PCNX1: variants seen among roughly 807,000 people sequenced by gnomAD.
PCNX1 encodes pecanex-like protein 1.
PCNX1 carries 78 observed loss-of-function variants against 242.2 expected under a neutral mutation model. The ratio of observed to expected loss-of-function variants is 0.32; its 90% CI spans 0.27 to 0.39. The LOEUF (loss-of-function observed/expected upper bound fraction) is 0.39. PCNX1 is among the 10% of genes least tolerant of loss of function. The pLI is 1.00. For missense variants in PCNX1, 2,581 were observed against 2,856.5 expected (o/e 0.90, Z 2.20); for synonymous variants, 1,024 against 1,032.9 (o/e 0.99, Z 0.17).
intron 7 of PCNX1, among the ~76,000 whole-genome samples, chr14:70,993,124 A>AT (rs5809506): frequency 0.38 from 54,946 of 145,902 alleles, 10,480 homozygotes; most frequent in East Asian, 0.61. Flanking sequence ...ATCTAAATTA[A>AT]TTTTTTTTTT....
intron 2 of PCNX1, among the ~76,000 whole-genome samples, chr14:70,958,295 C>G (rs1298104216): frequency 6.6e-6 from 1 of 152,098 alleles, no homozygotes; most frequent in African/African-American, 2.4e-5. Flanking sequence ...GAGTTAGGAA[C>G]CTGTTACGCA....
intron 1 of PCNX1, among the ~76,000 whole-genome samples, chr14:70,944,674 T>C (rs987451008): frequency 6.6e-6 from 1 of 152,094 alleles, no homozygotes; most frequent in Non-Finnish European, 1.5e-5. Flanking sequence ...GGGGCCAGGG[T>C]GAAATGATGG....
intron 25 of PCNX1, among the ~76,000 whole-genome samples, chr14:71,056,229 A>G (rs569477048): frequency 6.6e-6 from 1 of 152,344 alleles, no homozygotes; most frequent in African/African-American, 2.4e-5. Context: ...CATTTGACTT[A>G]CAAATTCCTT....
intron 1 of PCNX1, among the ~76,000 whole-genome samples, chr14:70,920,500 G>T (rs141930074): frequency 6.6e-6 from 1 of 152,220 alleles, no homozygotes; most frequent in Non-Finnish European, 1.5e-5. Flanking sequence ...CATTTCAGAT[G>T]GACAAAAGAG....
chr14:71,006,373 G>A (rs562117548), intron 8 of PCNX1, among the ~76,000 whole-genome samples: 39 of 151,816 alleles, frequency 2.6e-4, no homozygotes, highest in Non-Finnish European at 5.0e-4. Context: ...GTTTCTAATC[G>A]TGTTTATTTT....
intron 2 of PCNX1, among the ~76,000 whole-genome samples, chr14:70,957,289 T>C (rs575917026): frequency 6.6e-6 from 1 of 152,262 alleles, no homozygotes; most frequent in African/African-American, 2.4e-5. Flanking sequence ...ACCCAGCCTG[T>C]TTTTATGTAT....
At chr14:70,980,949 A>G (rs1449605818) in intron 6 of PCNX1, among the ~76,000 whole-genome samples, 1 of 152,182 alleles carries the variant, frequency 6.6e-6, no homozygotes, top group Non-Finnish European at 1.5e-5. Context: ...ATTTTAAGGT[A>G]GGTGGTGGTG....
At chr14:71,007,175 C>T (rs1402544149) in intron 8 of PCNX1, among the ~76,000 whole-genome samples, 1 of 151,260 alleles carries the variant, frequency 6.6e-6, no homozygotes, top group Non-Finnish European at 1.5e-5. Context: ...ATTTTTCCAA[C>T]TGTCTGTTTA....
intron 2 of PCNX1, among the ~76,000 whole-genome samples, chr14:70,953,989 T>C (rs1431280844): frequency 1.3e-5 from 2 of 152,186 alleles, no homozygotes; most frequent in South Asian, 2.1e-4. Flanking sequence ...TCTGAATTAT[T>C]TTCTACACGG....
Position 71,053,463 on chromosome 14 carries a change from G to A in PCNX1, c.4577+1451G>A, listed in dbSNP as rs560389667. 2.8e-4 allele frequency: 98 copies of A among 346,448 alleles called. No individual in the cohort carries two copies. In the Middle Eastern group the frequency reaches 3.1e-3, roughly 11 times the overall value. The allele number at this position is 346,448 out of a possible 1,614,324, so 21.5% of individuals were successfully genotyped here. A position where few individuals can be genotyped will look rare whatever the true frequency, so the allele number is the denominator to read the frequency against. On this transcript the variant is annotated intron_variant, in intron 24 of 35. Coordinates refer to ENST00000304743, the MANE Select transcript of PCNX1 (RefSeq NM_014982.3). ...CTCCCGAGTAGCTGGGATTACAGGC[G>A]CCCACCAGCACACCTGGCTATTTTT... is the stretch of plus-strand genomic sequence containing the variant.
At chr14:70,991,983 A>G (rs2059179198) in intron 7 of PCNX1, among the ~76,000 whole-genome samples, 1 of 152,174 alleles carries the variant, frequency 6.6e-6, no homozygotes. Context: ...TTGGGAGTGA[A>G]TTATCAATTT....
chr14:70,909,633 A>T (rs1003282900), intron 1 of PCNX1, among the ~76,000 whole-genome samples: 2 of 152,202 alleles, frequency 1.3e-5, no homozygotes, highest in Non-Finnish European at 2.9e-5. Flanking sequence ...GTCATGGTTA[A>T]GTCTCTTTGT....
rs1030378466 is a variant in PCNX1, at chr14:71,113,420, G to T, written c.*3485G>T. On this transcript the variant is annotated 3_prime_UTR_variant, in exon 36 of 36. Coordinates refer to ENST00000304743, the MANE Select transcript of PCNX1 (RefSeq NM_014982.3). Reference sequence around the variant, plus strand: ...TTTTGTGTAGAAAACCCATTAAGAAGATGTGTTTTTCTTTCTGAATTAGTT... The same window carrying T: ...TTTTGTGTAGAAAACCCATTAAGAATATGTGTTTTTCTTTCTGAATTAGTT... 1.3e-5 allele frequency: 2 copies of T among 152,634 alleles called. No homozygotes were observed. Among genetic ancestry groups the T allele is most frequent in the Non-Finnish European group, 2.9e-5 (2 of 68,030 alleles). 9.5% of individuals were successfully genotyped at this position (152,634 alleles called of 1,614,324 possible). A position where few individuals can be genotyped will look rare whatever the true frequency, so the allele number is the denominator to read the frequency against.
intron 7 of PCNX1, 62 bp downstream of exon 7, chr14:70,988,761 G>A (rs890799449): frequency 3.4e-5 from 52 of 1,528,758 alleles, no homozygotes; most frequent in Admixed American, 7.0e-5. Flanking sequence ...AATCTGTTCC[G>A]CCAGTCCCAA....
At chr14:71,022,394 C>A (rs1386523171) in intron 12 of PCNX1, among the ~76,000 whole-genome samples, 3 of 152,072 alleles carry the variant, frequency 2.0e-5, no homozygotes, top group Admixed American at 2.0e-4. Flanking sequence ...ATGTCATAAA[C>A]AGGGATAAGA....
intron 8 of PCNX1, 106 bp downstream of exon 8, chr14:70,996,031 A>G (rs2059340980): frequency 2.4e-6 from 2 of 830,560 alleles, no homozygotes; most frequent in Non-Finnish European, 4.0e-6. Context: ...GGAACTATGC[A>G]TAGGAGCACT....
rs2059746006 is a variant in PCNX1, at chr14:71,008,953, GAATT to G, written c.2630-678_2630-675del. On this transcript the variant is annotated intron_variant, in intron 8 of 35. Transcript: ENST00000304743. ...TTATATTATAAAGTTCATCTTAAGA[GAATT>G]AAAAAAATCTGTATTCATTTGCAAC... 2.6e-5 allele frequency among the ~76,000 whole-genome samples: 4 copies of G among 151,912 alleles called. No homozygotes were observed. In the South Asian group the frequency reaches 6.2e-4, roughly 24 times the overall value.
rs772947713 is a variant in PCNX1 at position 71,076,175 on chromosome 14, C to G, written c.5107-14C>G. Reference sequence around the variant, plus strand: ...TTAATCTGAATTCTTTTTTTTTTGTCTTGTTCATGTTAGGGTATCATTTAT... The same window carrying G: ...TTAATCTGAATTCTTTTTTTTTTGTGTTGTTCATGTTAGGGTATCATTTAT... On this transcript the variant is annotated splice_polypyrimidine_tract_variant and intron_variant, in intron 27 of 35. Transcript: ENST00000304743. The G allele has an allele frequency of 4.4e-6, 6 of 1,369,168 alleles. No individual in the cohort carries two copies. In the Admixed American group the frequency reaches 1.2e-4, roughly 27 times the overall value. 84.8% of individuals were successfully genotyped at this position (1,369,168 alleles called of 1,614,324 possible). A position where few individuals can be genotyped will look rare whatever the true frequency, so the allele number is the denominator to read the frequency against.
chr14:71,076,458 T>A (rs775398446), intron 28 of PCNX1, 39 bp downstream of exon 28: 1 of 1,356,296 alleles, frequency 7.4e-7, no homozygotes, highest in Non-Finnish European at 1.0e-6. Flanking sequence ...GAATCCAGGT[T>A]TTTCCAAAGA....
Sources: gnomAD v4.1 joint callset for allele counts (sites outside exome capture counted in the v4.1 genomes callset) on GRCh38, gnomAD v4.1.1 for gene constraint, MANE v1.5 for transcripts, NCBI Gene and HGNC (gene_info 2026-07-23, HGNC 2026-07-21) for gene names.